TP53INP1: variants seen among roughly 807,000 people sequenced by gnomAD.
TP53INP1 encodes the protein tumor protein p53 inducible nuclear protein 1.
A neutral mutation model predicts 21.0 loss-of-function variants in TP53INP1; 12 were observed. The observed-to-expected ratio is 0.57, with a 90% confidence interval of 0.37 to 0.93. The LOEUF is 0.93. Among genes scored for constraint, TP53INP1 ranks in the 40% least tolerant of loss-of-function variants. The pLI, the probability that TP53INP1 is intolerant of heterozygous loss-of-function variation, is 0.01. For synonymous variants in TP53INP1, 91 were observed against 94.8 expected (o/e 0.96, Z 0.23); for missense variants, 274 against 294.7 (o/e 0.93, Z 0.51).
intron 3 of TP53INP1, among the ~76,000 whole-genome samples, chr8:94,936,319 G>GT (rs1432576822): frequency 1.3e-5 from 2 of 152,204 alleles, no homozygotes; most frequent in East Asian, 3.9e-4. Flanking sequence ...TGTAGGGAAT[G>GT]TAAGAAGGAC....
At chr8:94,939,003 C>T (rs1821262843) in intron 3 of TP53INP1, among the ~76,000 whole-genome samples, 1 of 152,170 alleles carries the variant, frequency 6.6e-6, no homozygotes, top group Non-Finnish European at 1.5e-5. Context: ...TGAATTGAAT[C>T]AGAGGACACT....
chr8:94,933,176 G>A (rs535166450), intron 3 of TP53INP1, among the ~76,000 whole-genome samples: 29 of 151,748 alleles, frequency 1.9e-4, no homozygotes, highest in Middle Eastern at 3.5e-3. Flanking sequence ...AGATTGCGCC[G>A]CTGCAATCCA....
chr8:94,945,834 A>C (rs1339250996), intron 1 of TP53INP1, among the ~76,000 whole-genome samples: 1 of 152,252 alleles, frequency 6.6e-6, no homozygotes, highest in African/African-American at 2.4e-5. Flanking sequence ...AGCTTTAACC[A>C]GCGTCAGTCC....
intron 3 of TP53INP1, 193 bp downstream of exon 3, chr8:94,939,667 G>C: frequency 1.3e-6 from 1 of 779,796 alleles, no homozygotes. Flanking sequence ...CAAAGTGCTG[G>C]GATTACAGGT....
In TP53INP1 at chr8:94,928,004, TTACA is replaced by T. The variant is rs1265401870; in HGVS notation, c.*2471_*2474del. 2.6e-5 allele frequency: 4 copies of T among 152,594 alleles called. No homozygotes were observed. Among genetic ancestry groups the T allele is most frequent in the South Asian group, 4.1e-4 (2 of 4,822 alleles). 9.5% of individuals were successfully genotyped at this position (152,594 alleles called of 1,614,324 possible). ...TCTGTGTTGTGGTTGGCCTTGTGTC[TTACA>T]TACAGGAGATGCCTAACATCTAATA... On this transcript the variant is annotated 3_prime_UTR_variant, in exon 4 of 4. Transcript: ENST00000342697.
In TP53INP1 at chr8:94,927,664, ACAT is replaced by A. The variant is rs1355583574; in HGVS notation, c.*2812_*2814del. 3 of 152,158 alleles carry A rather than the reference ACAT, an allele frequency of 2.0e-5. No homozygotes were observed. Among genetic ancestry groups the A allele is most frequent in the African/African-American group, 7.2e-5 (3 of 41,432 alleles). 9.4% of individuals were successfully genotyped at this position (152,158 alleles called of 1,614,324 possible). A position where few individuals can be genotyped will look rare whatever the true frequency, so the allele number is the denominator to read the frequency against. On this transcript the variant is annotated 3_prime_UTR_variant, in exon 4 of 4. Transcript: ENST00000342697. ...CACAATTAGTTGAGAAAAAAAATAA[ACAT>A]AAGATATATATTATAAAATGTTTTG...
At chr8:94,941,215 C>A in intron 1 of TP53INP1, 124 bp from the exon 2 acceptor site, 1 of 296,910 alleles carries the variant, frequency 3.4e-6, no homozygotes, top group Non-Finnish European at 6.2e-6. Flanking sequence ...TACAGCTATT[C>A]CCTTTCTGCA....
At chr8:94,932,030 G>A in intron 3 of TP53INP1, 1 of 1,588,784 alleles carries the variant, frequency 6.3e-7, no homozygotes, top group Non-Finnish European at 8.6e-7. Context: ...GCCTCCCTAT[G>A]CATACATATA....
At chr8:94,942,530 A>G (rs944914766) in intron 1 of TP53INP1, among the ~76,000 whole-genome samples, 2 of 152,160 alleles carry the variant, frequency 1.3e-5, no homozygotes, top group African/African-American at 4.8e-5. Flanking sequence ...GTTAAAGGCA[A>G]TGGACTTAGC....
At chr8:94,940,365 A>C in intron 2 of TP53INP1, 145 bp from the exon 3 acceptor site, 1 of 924,738 alleles carries the variant, frequency 1.1e-6, no homozygotes, top group Non-Finnish European at 1.6e-6. Flanking sequence ...GCTGATGCTC[A>C]CGTATCTTCT....
intron 3 of TP53INP1, among the ~76,000 whole-genome samples, chr8:94,932,992 G>A (rs1345398293): frequency 3.3e-5 from 5 of 152,078 alleles, no homozygotes; most frequent in East Asian, 1.9e-4. Context: ...CAAGGTGGGC[G>A]GATCACTTGA....
intron 3 of TP53INP1, among the ~76,000 whole-genome samples, chr8:94,933,014 T>G (rs1004366647): frequency 6.6e-5 from 10 of 152,050 alleles, no homozygotes; most frequent in African/African-American, 2.2e-4. Context: ...GTCAGGAGTT[T>G]GAGACCAGCC....
chr8:94,932,672 G>A (rs546529647), intron 3 of TP53INP1, among the ~76,000 whole-genome samples: 1 of 152,056 alleles, frequency 6.6e-6, no homozygotes, highest in Non-Finnish European at 1.5e-5. Flanking sequence ...GTGCGGTGGC[G>A]GGCGCCTGTA....
chr8:94,948,046 A>G (rs577412625), intron 1 of TP53INP1, among the ~76,000 whole-genome samples: 1 of 152,316 alleles, frequency 6.6e-6, no homozygotes, highest in Non-Finnish European at 1.5e-5. Context: ...CCTTTTCCCA[A>G]AACTATTGTG....
At chr8:94,936,164 A>G (rs1341576991) in intron 3 of TP53INP1, among the ~76,000 whole-genome samples, 2 of 152,186 alleles carry the variant, frequency 1.3e-5, no homozygotes, top group African/African-American at 4.8e-5. Context: ...AATTGAAGCT[A>G]CCCCTAGGAT....
chr8:94,934,122 A>G (rs1820730322), intron 3 of TP53INP1, among the ~76,000 whole-genome samples: 2 of 143,026 alleles, frequency 1.4e-5, no homozygotes, highest in South Asian at 2.4e-4. Context: ...CATTTAGGTT[A>G]AAAGTTTATG....
At chr8:94,948,063 G>C (rs1822172127) in intron 1 of TP53INP1, among the ~76,000 whole-genome samples, 1 of 152,164 alleles carries the variant, frequency 6.6e-6, no homozygotes, top group Non-Finnish European at 1.5e-5. Flanking sequence ...TGTGCATTGA[G>C]AAAAGGCTTT....
chr8:94,937,712 G>A (rs906745149), intron 3 of TP53INP1, among the ~76,000 whole-genome samples: 2 of 152,142 alleles, frequency 1.3e-5, no homozygotes, highest in African/African-American at 4.8e-5. Flanking sequence ...AAGCAGGGAT[G>A]GTTCCTGAGC....
Position 94,940,824 on chromosome 8 carries a change from C to A in TP53INP1, c.112+6G>T. On this transcript the variant is annotated splice_donor_region_variant and intron_variant, in intron 2 of 3. Transcript: ENST00000342697. ...ATGAACCACCAAGTAACCAAGTGTA[C>A]CTTACCTATGAAGTCAACAAGAATC... is the stretch of plus-strand genomic sequence containing the variant. 6.2e-7 allele frequency: 1 copy of A among 1,604,352 alleles called. No individual in the cohort carries two copies. The highest frequency in any genetic ancestry group is 1.1e-5 in the South Asian group (1 of 90,270).
Sources: allele counts gnomAD v4.1 joint callset (sites outside exome capture counted in the v4.1 genomes callset), GRCh38; gene constraint gnomAD v4.1.1; transcripts MANE v1.5; gene names NCBI Gene and HGNC (gene_info 2026-07-23, HGNC 2026-07-21).